The following BICD1 variants were observed in gnomAD, a reference collection of about 807,000 sequenced individuals.
BICD1 encodes BICD cargo adaptor 1.
BICD1 carries 35 observed loss-of-function variants against 92.5 expected under a neutral mutation model. The ratio of observed to expected loss-of-function variants is 0.38; its 90% confidence interval spans 0.29 to 0.50. The LOEUF is 0.50. BICD1 is among the 20% of genes least tolerant of loss of function. The pLI is 0.93. For synonymous variants in BICD1, 429 were observed against 465.1 expected, an observed-to-expected ratio of 0.92 and a Z score of 1.00; for missense variants, 950 against 1,189.8, an observed-to-expected ratio of 0.80 and a Z score of 2.97.
rs1355807670 is a variant in BICD1, at chr12:32,379,303, T to A, written c.*1676T>A. ...AGCACATTGCAGGAGCTTTCGTTAG[T>A]CATACGCCTATTAAGTAGTGGTCGC... On this transcript the variant is annotated 3_prime_UTR_variant, in exon 10 of 10. Coordinates refer to ENST00000652176, the MANE Select transcript of BICD1 (RefSeq NM_001714.4). 1 of 152,224 alleles carries A rather than the reference T, an allele frequency of 6.6e-6. No individual in the cohort carries two copies. Among genetic ancestry groups the A allele is most frequent in the Non-Finnish European group, 1.5e-5 (1 of 68,042 alleles). The allele number at this position is 152,224 out of a possible 1,614,324, so 9.4% of individuals were successfully genotyped here. A position where few individuals can be genotyped will look rare whatever the true frequency, so the allele number is the denominator to read the frequency against.
At chr12:32,118,147 A>G (rs1489576708) in intron 1 of BICD1, among the ~76,000 whole-genome samples, 5 of 150,314 alleles carry the variant, frequency 3.3e-5, no homozygotes, top group African/African-American at 1.2e-4. Flanking sequence ...AGTGGCGCGA[A>G]CTCGGCTCAC....
chr12:32,273,613 A>G (rs1040795518), intron 2 of BICD1, among the ~76,000 whole-genome samples: 2 of 152,254 alleles, frequency 1.3e-5, no homozygotes, highest in Non-Finnish European at 2.9e-5. Flanking sequence ...AATTTCAGTA[A>G]TAATGATCAG....
At chr12:32,261,995 T>TGACAGGGGC (rs111292260) in intron 2 of BICD1, among the ~76,000 whole-genome samples, 15,793 of 152,140 alleles carry the variant, frequency 0.1, 1,168 homozygotes, top group African/African-American at 0.21. Context: ...TTACAGTACC[T>TGACAGGGGC]GACAGGGGCA....
Position 32,206,470 on chromosome 12 carries a change from G to A in BICD1, c.214-9777G>A, listed in dbSNP as rs186029249. ...AAAATACAAAAATTAGCTGGGTGTG[G>A]TGGTGCATGCCTGTAATCCCAGCTA... On this transcript the variant is annotated intron_variant, in intron 1 of 9. Coordinates refer to ENST00000652176, the MANE Select transcript of BICD1 (RefSeq NM_001714.4). Among the ~76,000 whole-genome samples the A allele has an allele frequency of 2.1e-3, 315 of 152,232 alleles. 2 individuals are homozygous for A. The highest frequency in any genetic ancestry group is 7.0e-3 in the African/African-American group (291 of 41,552).
chr12:32,108,428 C>G, intron 1 of BICD1: 3 of 394,800 alleles, frequency 7.6e-6, no homozygotes, highest in Non-Finnish European at 1.4e-5. Context: ...CTATCAGTCA[C>G]TCTTAAGAAC....
chr12:32,304,030 C>T (rs11051917), intron 3 of BICD1, among the ~76,000 whole-genome samples: 25,588 of 151,674 alleles, frequency 0.17, 2,758 homozygotes, highest in African/African-American at 0.3. Flanking sequence ...GCCGAGATCA[C>T]GCCACTGCAC....
chr12:32,351,011 T>C (rs867772617), intron 8 of BICD1, among the ~76,000 whole-genome samples: 2 of 152,158 alleles, frequency 1.3e-5, no homozygotes, highest in African/African-American at 2.4e-5. Flanking sequence ...TTCTCTTTTT[T>C]GGCATATAGA....
At chr12:32,305,573 A>T in intron 3 of BICD1, 124 bp from the exon 4 acceptor site, 1 of 800,712 alleles carries the variant, frequency 1.2e-6, no homozygotes, top group Non-Finnish European at 1.9e-6. Context: ...TGTGCTTTTT[A>T]TTATTTATTT....
intron 2 of BICD1, among the ~76,000 whole-genome samples, chr12:32,227,226 C>T (rs1036494645): frequency 6.6e-6 from 1 of 152,234 alleles, no homozygotes; most frequent in African/African-American, 2.4e-5. Context: ...GTGTGGAAAG[C>T]TGGGGGCCAG....
chr12:32,183,395 G>A (rs537210609), intron 1 of BICD1, among the ~76,000 whole-genome samples: 9 of 151,574 alleles, frequency 5.9e-5, no homozygotes, highest in African/African-American at 2.2e-4. Context: ...CTCCCTAGTA[G>A]CTGAGATTAC....
chr12:32,216,404 C>G lies in BICD1; in HGVS notation c.371C>G (p.Thr124Ser), dbSNP rs1945364347. The G allele has an allele frequency of 6.2e-7, 1 of 1,614,094 alleles. No individual in the cohort carries two copies. ...CTGAAACAGAGCCGGGCTGTGGTCA[C>G]TAATGTACAGGCAGAAAACGAGAGG... is the stretch of plus-strand genomic sequence containing the variant. ...NELKQSRAVV[T>S]NVQAENERLT... is the part of the protein sequence containing the mutation. Residue 124 changes from threonine (T) to serine (S), a missense_variant, in exon 2 of 10, where the codon ACT (threonine) becomes AGT (serine). Thr to Ser is a moderately conservative substitution (Grantham distance 58). Transcript: ENST00000652176.
chr12:32,182,820 G>C (rs1944313589), intron 1 of BICD1, among the ~76,000 whole-genome samples: 1 of 149,382 alleles, frequency 6.7e-6, no homozygotes, highest in Non-Finnish European at 1.5e-5. Flanking sequence ...AATTTAGTGA[G>C]TATTACAGAG....
intron 1 of BICD1, among the ~76,000 whole-genome samples, chr12:32,168,007 C>CGT (rs10568100): frequency 0.25 from 37,102 of 149,682 alleles, 4,821 homozygotes; most frequent in Middle Eastern, 0.35. Context: ...AAGGAGATGG[C>CGT]GTGTGTGTGT....
At chr12:32,248,352 GT>G (rs1946442105) in intron 2 of BICD1, among the ~76,000 whole-genome samples, 1 of 152,182 alleles carries the variant, frequency 6.6e-6, no homozygotes, top group African/African-American at 2.4e-5. Context: ...AGAATCAACA[GT>G]TCATATCAGG....
At chr12:32,174,934 C>G (rs558986608) in intron 1 of BICD1, among the ~76,000 whole-genome samples, 1 of 152,062 alleles carries the variant, frequency 6.6e-6, no homozygotes, top group East Asian at 1.9e-4. Flanking sequence ...TTTAAATATG[C>G]GTTTTGTTGT....
intron 1 of BICD1, among the ~76,000 whole-genome samples, chr12:32,142,425 A>C (rs1178917592): frequency 2.2e-3 from 108 of 48,248 alleles, no homozygotes; most frequent in African/African-American, 7.1e-3. Flanking sequence ...AAAAAAAAAA[A>C]AAAAAACAAA....
intron 1 of BICD1, among the ~76,000 whole-genome samples, chr12:32,214,410 T>A (rs2121551318): frequency 6.6e-6 from 1 of 152,270 alleles, no homozygotes; most frequent in East Asian, 1.9e-4. Context: ...TCTCTCTCCC[T>A]CTCTCTCCAT....
intron 1 of BICD1, among the ~76,000 whole-genome samples, chr12:32,202,923 A>T (rs779817280): frequency 6.6e-6 from 1 of 152,148 alleles, no homozygotes; most frequent in Non-Finnish European, 1.5e-5. Flanking sequence ...AAGTTAAAAT[A>T]ACTTAATGAA....
intron 1 of BICD1, among the ~76,000 whole-genome samples, chr12:32,128,557 A>C (rs1372958956): frequency 6.6e-6 from 1 of 152,116 alleles, no homozygotes; most frequent in Admixed American, 6.6e-5. Context: ...GCTTTTTATC[A>C]CTTTACATTA....
Sources: allele counts gnomAD v4.1 joint callset (sites outside exome capture counted in the v4.1 genomes callset), GRCh38; gene constraint gnomAD v4.1.1; transcripts MANE v1.5; gene names NCBI Gene and HGNC (gene_info 2026-07-23, HGNC 2026-07-21).